Variants in THOC2 observed in about 807,000 individuals in gnomAD.
The protein encoded by THOC2 is THO complex 2.
THOC2 carries 10 observed loss-of-function variants against 128.4 expected under a neutral mutation model. That is an observed-to-expected ratio of 0.08 (90% CI 0.05 to 0.13). The LOEUF (loss-of-function observed/expected upper bound fraction) is 0.13. THOC2 is among the 10% of genes least tolerant of loss of function. THOC2 has a pLI of 1.00. For synonymous variants in THOC2, 393 were observed against 396.9 expected, an observed-to-expected ratio of 0.99 and a Z score of 0.12; for missense variants, 535 against 1,155.7, an observed-to-expected ratio of 0.46 and a Z score of 7.79.
In THOC2 at chrX:123,621,645, A is replaced by T. The variant is rs750641183; in HGVS notation, c.3786-58T>A. On this transcript the variant is annotated intron_variant, in intron 30 of 38. Transcript: ENST00000245838. Reference sequence around the variant, plus strand: ...ATAATCATAAAATATATCCTTTGATATATGATAAAATATATCATAAAGGGT... The same window carrying T: ...ATAATCATAAAATATATCCTTTGATTTATGATAAAATATATCATAAAGGGT... 154 of 856,661 alleles carry T rather than the reference A, an allele frequency of 1.8e-4. 1 individual carries two copies. The South Asian group carries it at 4.5e-3, about 25-fold the overall frequency. The allele number at this position is 856,661 out of a possible 1,213,427, so 70.6% of individuals were successfully genotyped here. A position where few individuals can be genotyped will look rare whatever the true frequency, so the allele number is the denominator to read the frequency against.
At position 123,696,094 on chromosome X, in the gene THOC2, A is replaced by G. The variant is rs2050438102; in HGVS notation, c.528T>C (p.Ile176=). The G allele has an allele frequency of 1.7e-6, 2 of 1,187,573 alleles. No individual in the cohort carries two copies. Among genetic ancestry groups the G allele is most frequent in the Non-Finnish European group, 2.3e-6 (2 of 874,062 alleles). Residue 176 remains isoleucine, a synonymous_variant, in exon 7 of 39, where the codon ATT becomes ATC. Transcript: ENST00000245838. ...REENEGYAKL[I]AELGQDLSGS... ...CAGATAAATCTTGCCCCAATTCAGC[A>G]ATCAGCTTGGCATAACCTTCATTCT...
intron 4 of THOC2, among the ~76,000 whole-genome samples, chrX:123,700,322 G>A (rs928880398): frequency 4.6e-5 from 5 of 108,362 alleles, no homozygotes; most frequent in African/African-American, 6.7e-5. Flanking sequence ...CCAACAGGGC[G>A]AAACCCTATC....
chrX:123,703,876 G>A (rs1175884262), intron 3 of THOC2, among the ~76,000 whole-genome samples: 2 of 49,944 alleles, frequency 4.0e-5, no homozygotes, highest in African/African-American at 9.3e-5. Flanking sequence ...GGGCAACAGA[G>A]GAAACTCTGT....
intron 8 of THOC2, among the ~76,000 whole-genome samples, chrX:123,681,604 TGGTCTCATCAATAA>T (rs1012967886): frequency 7.1e-5 from 8 of 111,985 alleles, no homozygotes; most frequent in African/African-American, 1.9e-4. Context: ...CTTCTAGGAA[TGGTCTCATCAATAA>T]GTCAACGCCA....
chrX:123,665,737 C>A lies in THOC2; in HGVS notation c.1291G>T (p.Val431Leu). The change falls in exon 12 of 39, where the codon GTG becomes TTG. Residue 431 changes from valine to leucine, a missense_variant. This residue lies in a region of THOC2 where 197 missense variants were observed against 313.4 expected (regional missense o/e 0.63). Transcript: ENST00000245838. ...AESFEDLRRD[V>L]FNMFCYLGPH... is the part of the protein sequence containing the mutation. ...CCAAGGTAACAGAACATATTGAACA[C>A]GTCTCTCCTCAAATCTTCAAAGCTC... 1 of 1,203,663 alleles carries A rather than the reference C, an allele frequency of 8.3e-7. No homozygotes were observed.
At chrX:123,636,740 T>C (rs2047687351) in intron 18 of THOC2, among the ~76,000 whole-genome samples, 1 of 111,768 alleles carries the variant, frequency 8.9e-6, no homozygotes, top group African/African-American at 3.2e-5. Flanking sequence ...ATACCATGAA[T>C]AGGGAGGAGA....
chrX:123,728,327 G>A (rs767718713), intron 1 of THOC2, among the ~76,000 whole-genome samples: 21 of 110,631 alleles, frequency 1.9e-4, no homozygotes, highest in Admixed American at 5.8e-4. Context: ...CTACCTAAAC[G>A]TTAGAGCATT....
At chrX:123,712,567 TGATA>T (rs2051236607) in intron 2 of THOC2, among the ~76,000 whole-genome samples, 1 of 112,176 alleles carries the variant, frequency 8.9e-6, no homozygotes, top group South Asian at 3.7e-4. Flanking sequence ...TATTTATGAT[TGATA>T]CAGCTAACAA....
intron 4 of THOC2, among the ~76,000 whole-genome samples, chrX:123,698,659 G>A (rs1353631424): frequency 9.2e-6 from 1 of 108,471 alleles, no homozygotes; most frequent in African/African-American, 3.4e-5. Flanking sequence ...TGGATCACCT[G>A]AGGTCAGGGG....
At chrX:123,656,330 T>TAAAA (rs758091588) in intron 12 of THOC2, among the ~76,000 whole-genome samples, 1 of 37,953 alleles carries the variant, frequency 2.6e-5, no homozygotes, top group Non-Finnish European at 4.9e-5. Context: ...AGACTCCGTC[T>TAAAA]AAAAAAAAAA....
chrX:123,654,268 TA>T (rs778786230), intron 12 of THOC2, among the ~76,000 whole-genome samples: 6 of 108,919 alleles, frequency 5.5e-5, no homozygotes, highest in Admixed American at 9.9e-5. Flanking sequence ...GGTAGGGGGT[TA>T]GGGGAGGGAT....
chrX:123,649,645 AC>A (rs1481685214), intron 12 of THOC2, among the ~76,000 whole-genome samples: 1 of 110,578 alleles, frequency 9.0e-6, no homozygotes, highest in East Asian at 2.9e-4. Flanking sequence ...CAGCATGAGA[AC>A]TTCCTGAAGC....
At chrX:123,652,998 C>T (rs1046660935) in intron 12 of THOC2, among the ~76,000 whole-genome samples, 10 of 111,814 alleles carry the variant, frequency 8.9e-5, no homozygotes, top group Admixed American at 8.6e-4. Flanking sequence ...AAGCTGGAGG[C>T]ATCATGCTAC....
chrX:123,663,809 C>T (rs906528130), intron 12 of THOC2, among the ~76,000 whole-genome samples: 6 of 110,582 alleles, frequency 5.4e-5, no homozygotes, highest in Non-Finnish European at 9.4e-5. Context: ...TGTGAAGTTC[C>T]CCTTCCTGTG....
intron 8 of THOC2, among the ~76,000 whole-genome samples, chrX:123,680,409 A>G (rs924604546): frequency 9.0e-6 from 1 of 110,679 alleles, no homozygotes; most frequent in Non-Finnish European, 1.9e-5. Context: ...CTATTATCCT[A>G]TGATCCCGCC....
intron 12 of THOC2, among the ~76,000 whole-genome samples, chrX:123,661,759 C>A (rs1273482069): frequency 9.0e-6 from 1 of 111,291 alleles, no homozygotes; most frequent in Non-Finnish European, 1.9e-5. Flanking sequence ...TTTAGAGTAC[C>A]TTTACATAAT....
In THOC2 at chrX:123,625,187, G is replaced by T. The variant is rs187772064; in HGVS notation, c.3058-518C>A. Among the ~76,000 whole-genome samples the T allele has an allele frequency of 4.5e-5, 5 of 111,418 alleles. No individual in the cohort carries two copies. The East Asian group carries it at 1.4e-3, about 31-fold the overall frequency. Reference sequence around the variant, plus strand: ...GCTCACTGCAAGCTCCGCGTCTCAGGTTCACACCATTCTCCTGCCTCAGCC... The same window carrying T: ...GCTCACTGCAAGCTCCGCGTCTCAGTTTCACACCATTCTCCTGCCTCAGCC... On this transcript the variant is annotated intron_variant, in intron 25 of 38. Coordinates refer to ENST00000245838, the MANE Select transcript of THOC2 (RefSeq NM_001081550.2).
At chrX:123,714,895 A>G (rs1289487587) in intron 1 of THOC2, among the ~76,000 whole-genome samples, 1 of 112,202 alleles carries the variant, frequency 8.9e-6, no homozygotes, top group Non-Finnish European at 1.9e-5. Flanking sequence ...CCAAAGAATC[A>G]AAGAATGAAA....
chrX:123,643,584 T>C (rs6608108), intron 15 of THOC2, among the ~76,000 whole-genome samples: 36,310 of 109,769 alleles, frequency 0.33, 4,535 homozygotes, highest in East Asian at 0.67. Flanking sequence ...GTCCAGAAAC[T>C]CTTTCAGATC....
Sources: allele counts gnomAD v4.1 joint callset (sites outside exome capture counted in the v4.1 genomes callset), GRCh38; gene constraint gnomAD v4.1.1; regional missense constraint gnomAD v4.1.1; transcripts MANE v1.5; gene names NCBI Gene and HGNC (gene_info 2026-07-23, HGNC 2026-07-21).